The following NEGR1 variants were observed in gnomAD, a reference collection of about 807,000 sequenced individuals.
NEGR1 encodes the protein IgLON family member 4.
A neutral mutation model predicts 40.9 loss-of-function variants in NEGR1; 10 were observed. That is an observed-to-expected ratio of 0.24 (90% CI 0.15 to 0.42). The LOEUF is 0.42. Ranked by LOEUF, NEGR1 falls within the 10% of genes least tolerant of loss-of-function variation. NEGR1 has a pLI of 1.00. For missense variants in NEGR1, 352 were observed against 438.9 expected, an observed-to-expected ratio of 0.80 and a Z score of 1.77; for synonymous variants, 185 against 166.8, an observed-to-expected ratio of 1.11 and a Z score of -0.84.
At chr1:71,970,674 C>A (rs906774526) in intron 1 of NEGR1, among the ~76,000 whole-genome samples, 2 of 151,784 alleles carry the variant, frequency 1.3e-5, no homozygotes, top group Non-Finnish European at 2.9e-5. Context: ...GGCAACAGAG[C>A]GAGACTCTGT....
intron 1 of NEGR1, among the ~76,000 whole-genome samples, chr1:71,962,452 C>G (rs1263641150): frequency 2.0e-5 from 3 of 151,856 alleles, no homozygotes; most frequent in Non-Finnish European, 4.4e-5. Context: ...TGAACATTTA[C>G]AAAAGAAATT....
intron 5 of NEGR1, among the ~76,000 whole-genome samples, chr1:71,604,346 A>C (rs945362652): frequency 6.6e-6 from 1 of 152,180 alleles, no homozygotes; most frequent in African/African-American, 2.4e-5. Context: ...GCATGAAAAC[A>C]GTAAAGAAAG....
intron 6 of NEGR1, among the ~76,000 whole-genome samples, chr1:71,589,261 T>C (rs1157704218): frequency 1.3e-5 from 2 of 152,128 alleles, no homozygotes; most frequent in Non-Finnish European, 2.9e-5. Flanking sequence ...CTGACCCTCC[T>C]CAGGCATCTC....
rs1647058797 is a variant in NEGR1 at position 72,051,381 on chromosome 1, G to T, written c.177-116070C>A. On this transcript the variant is annotated intron_variant, in intron 1 of 6. Transcript: ENST00000357731. ...AGCATACATTGTGAAGCAAAAAGAA[G>T]AAACACTTCTTTTGGCACGATCATC... Among the ~76,000 whole-genome samples, 4 of 151,446 alleles carry T rather than the reference G, an allele frequency of 2.6e-5. 1 individual carries two copies. The highest frequency in any genetic ancestry group is 7.3e-5 in the African/African-American group (3 of 41,328).
intron 1 of NEGR1, among the ~76,000 whole-genome samples, chr1:72,143,896 T>TATATATG (rs1557548383): frequency 2.1e-4 from 14 of 66,506 alleles, no homozygotes; most frequent in African/African-American, 5.6e-4. Context: ...ATATATATAT[T>TATATATG]ATATATATGA....
At chr1:71,539,558 A>G (rs999566954) in intron 6 of NEGR1, among the ~76,000 whole-genome samples, 30 of 151,708 alleles carry the variant, frequency 2.0e-4, no homozygotes, top group Non-Finnish European at 3.4e-4. Flanking sequence ...ATGTGTGTAT[A>G]TGATGGAGTA....
At chr1:71,913,025 G>T (rs1055875355) in intron 2 of NEGR1, among the ~76,000 whole-genome samples, 1 of 151,868 alleles carries the variant, frequency 6.6e-6, no homozygotes, top group Non-Finnish European at 1.5e-5. Context: ...GTTTGAGTAG[G>T]TTCAAAGGTC....
At chr1:71,821,000 C>A (rs1658409936) in intron 2 of NEGR1, among the ~76,000 whole-genome samples, 1 of 151,980 alleles carries the variant, frequency 6.6e-6, no homozygotes, top group African/African-American at 2.4e-5. Context: ...ATTGCTAGAG[C>A]AGATTAATAT....
chr1:72,154,369 T>C (rs1651278319), intron 1 of NEGR1, among the ~76,000 whole-genome samples: 1 of 152,004 alleles, frequency 6.6e-6, no homozygotes, highest in Admixed American at 6.6e-5. Context: ...GAATGGCTAA[T>C]TGTTGTTGAG....
At chr1:71,589,067 G>T (rs1235545047) in intron 6 of NEGR1, among the ~76,000 whole-genome samples, 1 of 151,980 alleles carries the variant, frequency 6.6e-6, no homozygotes, top group Non-Finnish European at 1.5e-5. Flanking sequence ...CAGAAATCTG[G>T]CTTCTACTCT....
At chr1:71,449,452 G>A (rs943585383) in intron 6 of NEGR1, among the ~76,000 whole-genome samples, 1 of 152,170 alleles carries the variant, frequency 6.6e-6, no homozygotes, top group Non-Finnish European at 1.5e-5. Context: ...GAGCACTGAA[G>A]CTACCTCTAA....
In NEGR1 at chr1:71,396,568, G is replaced by A. The variant is rs114445923; in HGVS notation, c.*10878C>T. On this transcript the variant is annotated 3_prime_UTR_variant, in exon 7 of 7. Coordinates refer to ENST00000357731, the MANE Select transcript of NEGR1 (RefSeq NM_173808.3). ...AAACCATTTGATATTGTTTGGCCAT[G>A]TCCCCACACAAATCTCATTTTGAAT... The A allele has an allele frequency of 2.6e-5, 4 of 152,336 alleles. No homozygotes were observed. Among genetic ancestry groups the A allele is most frequent in the Non-Finnish European group, 5.9e-5 (4 of 68,032 alleles). 9.4% of individuals were successfully genotyped at this position (152,336 alleles called of 1,614,324 possible).
Position 71,928,361 on chromosome 1 carries a change from T to TATGTATATATATAC in NEGR1, c.409+6717_409+6718insGTATATATATACAT, listed in dbSNP as rs1557439045. Among the ~76,000 whole-genome samples the TATGTATATATATAC allele has an allele frequency of 2.1e-4, 18 of 84,628 alleles. 2 individuals are homozygous for TATGTATATATATAC. Among genetic ancestry groups the TATGTATATATATAC allele is most frequent in the African/African-American group, 9.1e-4 (17 of 18,708 alleles). The allele number at this position is 84,628 out of a possible 152,430, so 55.5% of individuals were successfully genotyped here. ...ATATACACACATGTGTATATATATA[T>TATGTATATATATAC]ACACATATGTATATATGTATATATA... On this transcript the variant is annotated intron_variant, in intron 2 of 6. Coordinates refer to ENST00000357731, the MANE Select transcript of NEGR1 (RefSeq NM_173808.3).
Position 71,501,859 on chromosome 1 carries a change from T to A in NEGR1, c.940+90958A>T. Among the ~76,000 whole-genome samples, 2 of 152,210 alleles carry A rather than the reference T, an allele frequency of 1.3e-5. 1 individual carries two copies. Among genetic ancestry groups the A allele is most frequent in the East Asian group, 3.8e-4 (2 of 5,198 alleles). On this transcript the variant is annotated intron_variant, in intron 6 of 6. Transcript: ENST00000357731. The stretch of plus-strand genomic sequence containing the variant: ...AATTGCACAAAATTATTTGTTGAAA[T>A]AAAGCATATTAATTACTTATATATT...
intron 4 of NEGR1, among the ~76,000 whole-genome samples, chr1:71,690,599 C>CACACACAT (rs1491429462): frequency 2.9e-5 from 3 of 102,928 alleles, no homozygotes; most frequent in African/African-American, 1.1e-4. Context: ...CACACACACA[C>CACACACAT]ATATATATAT....
At chr1:72,001,320 G>A (rs1056091099) in intron 1 of NEGR1, among the ~76,000 whole-genome samples, 1 of 151,896 alleles carries the variant, frequency 6.6e-6, no homozygotes, top group African/African-American at 2.4e-5. Context: ...TCAGCCATGA[G>A]AGAAAGAACT....
At chr1:72,077,523 T>C (rs2630424) in intron 1 of NEGR1, among the ~76,000 whole-genome samples, 148,729 of 152,184 alleles carry the variant, frequency 0.98, 72,778 homozygotes, top group Middle Eastern at 1. Context: ...GGTGCAGTAG[T>C]TCATGCCTGT....
intron 4 of NEGR1, among the ~76,000 whole-genome samples, chr1:71,629,255 G>A (rs1372844443): frequency 6.6e-6 from 1 of 151,190 alleles, no homozygotes; most frequent in Non-Finnish European, 1.5e-5. Context: ...TTTTTGATGG[G>A]GTTGTTAAAA....
chr1:72,141,167 G>A (rs1650663177), intron 1 of NEGR1, among the ~76,000 whole-genome samples: 1 of 151,962 alleles, frequency 6.6e-6, no homozygotes, highest in Non-Finnish European at 1.5e-5. Context: ...GTAATATGGT[G>A]GACTTAGGGA....
Sources: allele counts gnomAD v4.1 joint callset (sites outside exome capture counted in the v4.1 genomes callset), GRCh38; gene constraint gnomAD v4.1.1; transcripts MANE v1.5; gene names NCBI Gene and HGNC (gene_info 2026-07-23, HGNC 2026-07-21).